EML6: variants seen among roughly 807,000 people sequenced by gnomAD.
The protein encoded by EML6 is echinoderm microtubule-associated protein-like 6.
EML6 carries 154 observed loss-of-function variants against 240.1 expected under a neutral mutation model. That is an observed-to-expected ratio of 0.64 (90% confidence interval 0.56 to 0.73). The LOEUF (loss-of-function observed/expected upper bound fraction) is 0.73. EML6 is among the 30% of genes least tolerant of loss of function. The pLI is 0.00. For missense variants in EML6, 2,964 were observed against 2,474.6 expected (o/e 1.20, Z -4.20); for synonymous variants, 1,148 against 899.0 (o/e 1.28, Z -4.95).
intron 29 of EML6, among the ~76,000 whole-genome samples, chr2:54,949,640 T>G (rs1286197414): frequency 6.6e-6 from 1 of 152,252 alleles, no homozygotes; most frequent in African/African-American, 2.4e-5. Flanking sequence ...AGTTGGTTTT[T>G]TAAAGTATAC....
intron 31 of EML6, among the ~76,000 whole-genome samples, chr2:54,953,287 C>G (rs1333817101): frequency 6.6e-6 from 1 of 152,128 alleles, no homozygotes; most frequent in Admixed American, 6.5e-5. Flanking sequence ...CATTGCTCAC[C>G]CAATGCAGGT....
At chr2:54,786,642 G>A (rs927143938) in intron 2 of EML6, among the ~76,000 whole-genome samples, 1 of 152,210 alleles carries the variant, frequency 6.6e-6, no homozygotes, top group African/African-American at 2.4e-5. Flanking sequence ...ATTATACTGA[G>A]TTTCTGGCAA....
chr2:54,744,707 C>A (rs921135064), intron 2 of EML6, among the ~76,000 whole-genome samples: 1 of 151,322 alleles, frequency 6.6e-6, no homozygotes, highest in Non-Finnish European at 1.5e-5. Context: ...AGAGAGGGAC[C>A]GAGGAGGAGG....
At position 54,950,543 on chromosome 2, in the gene EML6, C is replaced by G. The variant is rs1477096382; in HGVS notation, c.4084-107C>G. The G allele has an allele frequency of 8.6e-6, 11 of 1,271,910 alleles. No homozygotes were observed. The East Asian group carries it at 1.0e-4, about 12-fold the overall frequency. The allele number at this position is 1,271,910 out of a possible 1,614,324, so 78.8% of individuals were successfully genotyped here. ...AGTGAGTGTGTGTTGGCGTCACCAG[C>G]CATACCGTTCCTGGGACACACGAGG... On this transcript the variant is annotated intron_variant, in intron 29 of 41. Coordinates refer to ENST00000356458, the MANE Select transcript of EML6 (RefSeq NM_001039753.4).
At chr2:54,944,355 G>A (rs1030684079) in intron 28 of EML6, among the ~76,000 whole-genome samples, 1 of 152,158 alleles carries the variant, frequency 6.6e-6, no homozygotes, top group African/African-American at 2.4e-5. Flanking sequence ...TTGCCCTTGA[G>A]TTGCTTTTCC....
At chr2:54,734,901 C>A (rs1386942133) in intron 2 of EML6, among the ~76,000 whole-genome samples, 1 of 152,200 alleles carries the variant, frequency 6.6e-6, no homozygotes, top group Non-Finnish European at 1.5e-5. Context: ...GAGAGTCAAA[C>A]TCCCACAAGA....
At chr2:54,829,190 G>A (rs566400380) in intron 6 of EML6, among the ~76,000 whole-genome samples, 152 bp from the exon 7 acceptor site, 1 of 152,210 alleles carries the variant, frequency 6.6e-6, no homozygotes, top group East Asian at 1.9e-4. Context: ...GTTATAAATG[G>A]CTACTTGGTC....
chr2:54,834,445 T>A (rs1251091611), intron 7 of EML6, among the ~76,000 whole-genome samples: 1 of 152,232 alleles, frequency 6.6e-6, no homozygotes, highest in Non-Finnish European at 1.5e-5. Context: ...AATGATTCTG[T>A]CTAAAGGAAT....
rs1191719171 is a variant in EML6 at position 54,863,798 on chromosome 2, C to G, written c.1841C>G (p.Ser614Cys). ...ETAPQEGGAD[S>C]YSEESDSDLS... The stretch of plus-strand genomic sequence containing the variant: ...ATCTCTGCAGAAGGTGGAGCTGATT[C>G]CTACAGTGAAGAATCTGATTCAGAT... The change falls in exon 13 of 42, where the codon TCC becomes TGC. Residue 614 changes from serine (S) to cysteine (C), a missense_variant. Ser to Cys is a moderately radical substitution (Grantham distance 112). Transcript: ENST00000356458. The G allele has an allele frequency of 6.5e-7, 1 of 1,544,700 alleles. No individual in the cohort carries two copies. Among genetic ancestry groups the G allele is most frequent in the Admixed American group, 2.0e-5 (1 of 50,524 alleles).
rs1282204799 is a variant in EML6, at chr2:54,962,105, CAG to C, written c.4969-417_4969-416del. 1.1e-4 allele frequency among the ~76,000 whole-genome samples: 16 copies of C among 139,308 alleles called. No individual in the cohort carries two copies. The East Asian group carries it at 3.2e-3, about 28-fold the overall frequency. The allele number at this position is 139,308 out of a possible 152,430, so 91.4% of individuals were successfully genotyped here. On this transcript the variant is annotated intron_variant, in intron 35 of 41. Coordinates refer to ENST00000356458, the MANE Select transcript of EML6 (RefSeq NM_001039753.4). ...CTTGTTTTTTTTTTTTTTTTAAAGA[CAG>C]GGTCTCACTGTGTCACCCAGGCTGG...
intron 16 of EML6, 75 bp downstream of exon 16, chr2:54,871,680 TGCGCGCAC>T: frequency 3.8e-6 from 4 of 1,043,588 alleles, no homozygotes; most frequent in Non-Finnish European, 5.9e-6. Context: ...GCCCCGCGCA[TGCGCGCAC>T]GCGTGTGTGT....
chr2:54,945,105 C>CTCCTCCCTCTCTCCTCCCATCCCAT (rs1675618004), intron 28 of EML6, among the ~76,000 whole-genome samples: 1 of 98,570 alleles, frequency 1.0e-5, no homozygotes, highest in African/African-American at 4.0e-5. Flanking sequence ...TCCTCTCCCA[C>CTCCTCCCTCTCTCCTCCCATCCCAT]TCCTCCCTCT....
chr2:54,865,129 A>G (rs899554726), intron 13 of EML6, among the ~76,000 whole-genome samples: 5 of 152,216 alleles, frequency 3.3e-5, no homozygotes, highest in African/African-American at 1.2e-4. Context: ...TTTAAACACA[A>G]TACAGAATTT....
intron 7 of EML6, among the ~76,000 whole-genome samples, chr2:54,833,087 T>C (rs1490117083): frequency 2.0e-5 from 3 of 152,254 alleles, no homozygotes; most frequent in Admixed American, 6.5e-5. Flanking sequence ...GAATTAATCA[T>C]GGCCACGGCC....
chr2:54,824,049 C>T lies in EML6; in HGVS notation c.526-3517C>T, dbSNP rs1344802026. 2.6e-5 allele frequency among the ~76,000 whole-genome samples: 4 copies of T among 152,078 alleles called. No individual in the cohort carries two copies. In the East Asian group the frequency reaches 7.7e-4, roughly 29 times the overall value. Reference sequence around the variant, plus strand: ...GAGATTTAAGCTCAGCCTCTGACTCCTATAGAGCTCTTTACACTGAGAAAT... The same window carrying T: ...GAGATTTAAGCTCAGCCTCTGACTCTTATAGAGCTCTTTACACTGAGAAAT... On this transcript the variant is annotated intron_variant, in intron 5 of 41. Transcript: ENST00000356458.
At chr2:54,943,489 G>A (rs906312472) in intron 28 of EML6, among the ~76,000 whole-genome samples, 4 of 152,086 alleles carry the variant, frequency 2.6e-5, no homozygotes, top group South Asian at 2.1e-4. Flanking sequence ...CATTTCTGCC[G>A]TCACCTTCCT....
intron 28 of EML6, among the ~76,000 whole-genome samples, chr2:54,934,382 C>A (rs1043166075): frequency 3.3e-5 from 5 of 151,984 alleles, no homozygotes; most frequent in Non-Finnish European, 7.4e-5. Context: ...CTTGGCTGCT[C>A]CACAGGCACG....
chr2:54,784,666 C>G (rs543690103), intron 2 of EML6, among the ~76,000 whole-genome samples: 1 of 152,154 alleles, frequency 6.6e-6, no homozygotes, highest in African/African-American at 2.4e-5. Flanking sequence ...CACATATTTT[C>G]TATGTTATAT....
Position 54,954,129 on chromosome 2 carries a change from A to T in EML6, c.4459A>T (p.Thr1487Ser), listed in dbSNP as rs1276519951. 6.4e-7 allele frequency: 1 copy of T among 1,550,914 alleles called. No homozygotes were observed. The highest frequency in any genetic ancestry group is 8.7e-7 in the Non-Finnish European group (1 of 1,146,748). Residue 1487 changes from threonine (T) to serine (S), a missense_variant, in exon 32 of 42, where the codon ACC becomes TCC. By Grantham distance (58) the Thr-to-Ser change is moderately conservative. Coordinates refer to ENST00000356458, the MANE Select transcript of EML6 (RefSeq NM_001039753.4). The stretch of plus-strand genomic sequence containing the variant: ...GTCGGTGGGAGTGGACCCTGAGCAC[A>T]CCATCACTGTCTGGCGATGGCAGGA... Reference protein sequence around the residue: ...LVSVGVDPEHTITVWRWQEGA... With the variant: ...LVSVGVDPEHSITVWRWQEGA...
Sources: allele counts gnomAD v4.1 joint callset (sites outside exome capture counted in the v4.1 genomes callset), GRCh38; gene constraint gnomAD v4.1.1; transcripts MANE v1.5; gene names NCBI Gene and HGNC (gene_info 2026-07-23, HGNC 2026-07-21).